Variants in CD300LF observed in about 807,000 individuals in gnomAD.
CD300LF encodes CMRF35-like molecule 1.
Under a neutral mutation model 32.2 loss-of-function variants are expected in CD300LF, and 27 were observed. That is an observed-to-expected ratio of 0.84 (90% confidence interval 0.62 to 1.15). CD300LF has a LOEUF of 1.15. Among genes scored for constraint, CD300LF ranks in the 50% most tolerant of loss-of-function variants. CD300LF has a pLI of 0.00. For synonymous variants in CD300LF, 139 were observed against 143.2 expected (o/e 0.97, Z 0.21); for missense variants, 348 against 356.8 (o/e 0.98, Z 0.20).
chr17:74,706,368 A>ATT, intron 1 of CD300LF, among the ~76,000 whole-genome samples: 1 of 150,614 alleles, frequency 6.6e-6, no homozygotes, highest in Non-Finnish European at 1.5e-5. Context: ...AAGTAAAGAA[A>ATT]TATTTCCCTG....
intron 1 of CD300LF, among the ~76,000 whole-genome samples, chr17:74,711,228 G>T (rs942289919): frequency 6.6e-6 from 1 of 152,058 alleles, no homozygotes. Flanking sequence ...AGTGGTATCC[G>T]GGCTCCATGT....
At chr17:74,699,556 G>A (rs1398072388) in intron 3 of CD300LF, among the ~76,000 whole-genome samples, 1 of 152,106 alleles carries the variant, frequency 6.6e-6, no homozygotes, top group African/African-American at 2.4e-5. Flanking sequence ...AGGGATCAGA[G>A]TGATGCCGCC....
chr17:74,704,799 G>C lies in CD300LF; in HGVS notation c.61C>G (p.Gln21Glu). 1 of 1,613,180 alleles carries C rather than the reference G, an allele frequency of 6.2e-7. No homozygotes were observed. The highest frequency in any genetic ancestry group is 2.2e-5 in the East Asian group (1 of 44,858). ...FWLSGYSIVT[Q>E]ITGPTTVNGL... Reference sequence around the variant, plus strand: ...TTCACTGTTGTTGGACCGGTGATTTGAGTGACAATGGAGTAGCCTGGAAAA... The same window carrying C: ...TTCACTGTTGTTGGACCGGTGATTTCAGTGACAATGGAGTAGCCTGGAAAA... The change falls in exon 2 of 7, where the codon CAA (glutamine) becomes GAA (glutamate). Residue 21 changes from glutamine to glutamate, a missense_variant. Physicochemically the swap from Gln to Glu is conservative, Grantham distance 29. Coordinates refer to ENST00000326165, the MANE Select transcript of CD300LF (RefSeq NM_139018.5).
rs140206374 is a variant in CD300LF, at chr17:74,695,084, C to T, written c.*12G>A. The stretch of plus-strand genomic sequence containing the variant: ...CACAGCCTGGGGTCCAAGAAGGAGC[C>T]TGGAGTGCAGGCTAAGGCCTGCTGA... On this transcript the variant is annotated 3_prime_UTR_variant, in exon 7 of 7. Coordinates refer to ENST00000326165, the MANE Select transcript of CD300LF (RefSeq NM_139018.5). 4.3e-4 allele frequency: 688 copies of T among 1,609,738 alleles called. 1 individual carries two copies. In the East Asian group the frequency reaches 0.011, roughly 26 times the overall value.
intron 2 of CD300LF, among the ~76,000 whole-genome samples, chr17:74,703,999 C>A (rs944139131): frequency 6.6e-6 from 1 of 152,220 alleles, no homozygotes; most frequent in Non-Finnish European, 1.5e-5. Flanking sequence ...GGGAATTAGA[C>A]CCCAGCACCC....
chr17:74,706,262 A>G (rs574922549), intron 1 of CD300LF, among the ~76,000 whole-genome samples: 2 of 149,054 alleles, frequency 1.3e-5, no homozygotes, highest in East Asian at 3.9e-4. Flanking sequence ...AAAATAAAAA[A>G]CATTTTAAAG....
chr17:74,710,218 G>A (rs950519252), intron 1 of CD300LF, among the ~76,000 whole-genome samples: 1 of 151,974 alleles, frequency 6.6e-6, no homozygotes. Context: ...CTTGTGATCC[G>A]CCTGCCTTGG....
At chr17:74,702,975 G>T in intron 3 of CD300LF, 60 bp downstream of exon 3, 1 of 1,359,514 alleles carries the variant, frequency 7.4e-7, no homozygotes, top group South Asian at 1.2e-5. Context: ...GGACTTCAAA[G>T]AGTTCTCCAT....
At chr17:74,705,913 A>T (rs1277238515) in intron 1 of CD300LF, among the ~76,000 whole-genome samples, 2 of 152,202 alleles carry the variant, frequency 1.3e-5, no homozygotes, top group Non-Finnish European at 2.9e-5. Context: ...CTTAAAATAC[A>T]TGTTTTCCTT....
At chr17:74,703,671 G>A (rs951913211) in intron 2 of CD300LF, among the ~76,000 whole-genome samples, 1 of 152,178 alleles carries the variant, frequency 6.6e-6, no homozygotes, top group Admixed American at 6.5e-5. Flanking sequence ...GACAATGCAC[G>A]TTCAGCACTT....
At chr17:74,705,565 A>G (rs2033438538) in intron 1 of CD300LF, among the ~76,000 whole-genome samples, 1 of 151,888 alleles carries the variant, frequency 6.6e-6, no homozygotes, top group African/African-American at 2.4e-5. Flanking sequence ...GTAAGGCAGT[A>G]TTTACTTTTT....
chr17:74,710,158 T>C (rs966228164), intron 1 of CD300LF, among the ~76,000 whole-genome samples: 1 of 151,770 alleles, frequency 6.6e-6, no homozygotes, highest in Non-Finnish European at 1.5e-5. Context: ...TTTTGTACTT[T>C]TGGTAGAGAT....
chr17:74,707,388 T>C (rs1264461485), intron 1 of CD300LF, among the ~76,000 whole-genome samples: 1 of 152,192 alleles, frequency 6.6e-6, no homozygotes, highest in Non-Finnish European at 1.5e-5. Flanking sequence ...TTTTAAATGC[T>C]CAACATCTCT....
intron 5 of CD300LF, 126 bp downstream of exon 5, chr17:74,696,069 T>C: frequency 7.5e-7 from 1 of 1,328,622 alleles, no homozygotes; most frequent in Non-Finnish European, 1.0e-6. Flanking sequence ...CCCTGCAGGG[T>C]GCCATGAGGA....
chr17:74,698,362 C>T lies in CD300LF; in HGVS notation c.559+7G>A, dbSNP rs1442754724. On this transcript the variant is annotated splice_region_variant and intron_variant, in intron 4 of 6. Transcript: ENST00000326165. Reference sequence around the variant, plus strand: ...GTCTCAGCCCAGCCTCACCCAGGTCCTCTCACCTTTCTGCTGGTACTTCAT... The same window carrying T: ...GTCTCAGCCCAGCCTCACCCAGGTCTTCTCACCTTTCTGCTGGTACTTCAT... 1.9e-6 allele frequency: 3 copies of T among 1,602,390 alleles called. No homozygotes were observed. The highest frequency in any genetic ancestry group is 2.2e-5 in the East Asian group (1 of 44,808).
At chr17:74,699,226 G>T (rs2032806874) in intron 3 of CD300LF, among the ~76,000 whole-genome samples, 1 of 152,014 alleles carries the variant, frequency 6.6e-6, no homozygotes, top group Non-Finnish European at 1.5e-5. Flanking sequence ...CTTAACAAAA[G>T]ATAGTTTTTA....
In CD300LF at chr17:74,695,803, G is replaced by C. The variant is rs142837945; in HGVS notation, c.639C>G (p.Ala213=). 6.2e-7 allele frequency: 1 copy of C among 1,614,158 alleles called. No homozygotes were observed. The highest frequency in any genetic ancestry group is 1.3e-5 in the African/African-American group (1 of 75,052). ...TGGTAGCCTTTTGCGGGGAGGTTCC[G>C]GCCAGCTGCAGGGTCAGGTCTGCAT... ...LCYADLTLQL[A]GTSPQKATTK... is the part of the protein sequence containing the mutation. Residue 213 remains alanine (A), a synonymous_variant, in exon 6 of 7, where the codon GCC becomes GCG. Coordinates refer to ENST00000326165, the MANE Select transcript of CD300LF (RefSeq NM_139018.5).
intron 1 of CD300LF, among the ~76,000 whole-genome samples, chr17:74,710,614 T>C (rs2143916716): frequency 6.6e-6 from 1 of 151,896 alleles, no homozygotes; most frequent in Non-Finnish European, 1.5e-5. Flanking sequence ...ATCCCAACAC[T>C]TTGGGAGGCC....
rs762646348 is a variant in CD300LF, at chr17:74,694,847, G to A, written c.*249C>T. 5.2e-6 allele frequency: 2 copies of A among 381,700 alleles called. No homozygotes were observed. The highest frequency in any genetic ancestry group is 2.2e-4 in the South Asian group (2 of 9,192). The allele number at this position is 381,700 out of a possible 1,614,324, so 23.6% of individuals were successfully genotyped here. A position where few individuals can be genotyped will look rare whatever the true frequency, so the allele number is the denominator to read the frequency against. On this transcript the variant is annotated 3_prime_UTR_variant, in exon 7 of 7. Transcript: ENST00000326165. The stretch of plus-strand genomic sequence containing the variant: ...TATCATCTTCATCATTCCCATGAAA[G>A]CCCCAGAGCATATCCCTAGCCCCCT...
Sources: allele counts gnomAD v4.1 joint callset (sites outside exome capture counted in the v4.1 genomes callset), GRCh38; gene constraint gnomAD v4.1.1; transcripts MANE v1.5; gene names NCBI Gene and HGNC (gene_info 2026-07-23, HGNC 2026-07-21).